EMCN: variants seen among roughly 807,000 people sequenced by gnomAD.
EMCN encodes endomucin.
Under a neutral mutation model 38.4 loss-of-function variants are expected in EMCN, and 37 were observed. The observed-to-expected ratio is 0.96, with a 90% CI of 0.74 to 1.27. The LOEUF is 1.27. EMCN is among the 50% of genes most tolerant of loss of function. The pLI, the probability that EMCN is intolerant of heterozygous loss-of-function variation, is 0.00. For missense variants in EMCN, 318 were observed against 302.8 expected (o/e 1.05, Z -0.37); for synonymous variants, 95 against 100.8 (o/e 0.94, Z 0.35).
In EMCN at chr4:100,465,591, T is replaced by C. The variant is rs770232346; in HGVS notation, c.260-52A>G. ...GAGTATAACAAATCACCAGATCATC[T>C]TATTAATATTCATATTAATATCCAA... On this transcript the variant is annotated intron_variant, in intron 3 of 11. Coordinates refer to ENST00000296420, the MANE Select transcript of EMCN (RefSeq NM_016242.4). 6 of 917,950 alleles carry C rather than the reference T, an allele frequency of 6.5e-6. No individual in the cohort carries two copies. The South Asian group carries it at 1.3e-4, about 19-fold the overall frequency. The allele number at this position is 917,950 out of a possible 1,614,324, so 56.9% of individuals were successfully genotyped here.
chr4:100,429,035 C>A (rs1727128550), intron 5 of EMCN, among the ~76,000 whole-genome samples: 1 of 152,062 alleles, frequency 6.6e-6, no homozygotes, highest in Non-Finnish European at 1.5e-5. Flanking sequence ...GGAGCTTAAG[C>A]AATTATACAG....
chr4:100,515,079 CCTT>C (rs1729719108), intron 1 of EMCN, among the ~76,000 whole-genome samples: 1 of 152,150 alleles, frequency 6.6e-6, no homozygotes, highest in African/African-American at 2.4e-5. Context: ...GCAATTAAAT[CCTT>C]CTTCATATAC....
chr4:100,477,762 A>C (rs912591052), intron 2 of EMCN, among the ~76,000 whole-genome samples: 2 of 151,998 alleles, frequency 1.3e-5, no homozygotes, highest in Non-Finnish European at 1.5e-5. Flanking sequence ...CATGAGAAAG[A>C]GGGAATAAGG....
intron 3 of EMCN, among the ~76,000 whole-genome samples, chr4:100,466,223 G>T (rs1728312686): frequency 6.6e-6 from 1 of 151,914 alleles, no homozygotes; most frequent in Non-Finnish European, 1.5e-5. Context: ...AGTTTTTTCA[G>T]TCTAATGTGG....
intron 5 of EMCN, among the ~76,000 whole-genome samples, chr4:100,441,257 A>T (rs1727508926): frequency 6.6e-6 from 1 of 152,210 alleles, no homozygotes; most frequent in Admixed American, 6.5e-5. Context: ...TTTATCATTA[A>T]ATAATGACAT....
chr4:100,412,644 G>A (rs754886477), intron 10 of EMCN, among the ~76,000 whole-genome samples: 19 of 152,150 alleles, frequency 1.2e-4, no homozygotes, highest in Non-Finnish European at 1.0e-4. Flanking sequence ...AAGCTGAGAA[G>A]TAGCTTATAT....
At chr4:100,470,257 C>T (rs929128257) in intron 3 of EMCN, among the ~76,000 whole-genome samples, 2 of 151,692 alleles carry the variant, frequency 1.3e-5, no homozygotes, top group Non-Finnish European at 2.9e-5. Flanking sequence ...AAAAAGAAGA[C>T]ATACATGTAG....
intron 11 of EMCN, among the ~76,000 whole-genome samples, chr4:100,405,767 C>T (rs1361578201): frequency 6.6e-6 from 1 of 151,800 alleles, no homozygotes; most frequent in African/African-American, 2.4e-5. Flanking sequence ...AGTTTCTTCT[C>T]GTTTTTTTGG....
chr4:100,441,319 A>C (rs1727510368), intron 5 of EMCN, among the ~76,000 whole-genome samples: 1 of 152,082 alleles, frequency 6.6e-6, no homozygotes, highest in South Asian at 2.1e-4. Flanking sequence ...ATCAGGTGTA[A>C]GTATAGCTAC....
At chr4:100,460,741 G>A (rs1038538534) in intron 4 of EMCN, among the ~76,000 whole-genome samples, 1 of 152,112 alleles carries the variant, frequency 6.6e-6, no homozygotes, top group African/African-American at 2.4e-5. Context: ...ATTATCAATA[G>A]GTTATCTCTT....
chr4:100,445,261 A>G (rs148385260), intron 5 of EMCN, among the ~76,000 whole-genome samples: 1 of 152,222 alleles, frequency 6.6e-6, no homozygotes, highest in African/African-American at 2.4e-5. Flanking sequence ...ACATGGATCT[A>G]TTTTTGTTTT....
intron 5 of EMCN, among the ~76,000 whole-genome samples, chr4:100,443,753 G>A (rs556420900): frequency 5.2e-4 from 79 of 152,290 alleles, no homozygotes; most frequent in African/African-American, 1.9e-3. Context: ...GGCAGGGTCT[G>A]TTCCTCTGAG....
At chr4:100,498,198 A>G (rs1476067014) in intron 1 of EMCN, among the ~76,000 whole-genome samples, 1 of 152,228 alleles carries the variant, frequency 6.6e-6, no homozygotes, top group African/African-American at 2.4e-5. Context: ...AATGTCTGAA[A>G]TGAAATTTAA....
intron 1 of EMCN, among the ~76,000 whole-genome samples, chr4:100,514,914 C>G (rs1377749574): frequency 6.6e-6 from 1 of 152,076 alleles, no homozygotes; most frequent in African/African-American, 2.4e-5. Flanking sequence ...AATAACTTCC[C>G]TCATCTTCCT....
intron 5 of EMCN, among the ~76,000 whole-genome samples, chr4:100,431,253 C>T (rs1727191426): frequency 6.6e-6 from 1 of 152,116 alleles, no homozygotes; most frequent in South Asian, 2.1e-4. Context: ...ATGATGAGAT[C>T]TTTCAAGTTA....
chr4:100,455,509 GT>G lies in EMCN; in HGVS notation c.377-7939del, dbSNP rs11432936. Among the ~76,000 whole-genome samples the G allele has an allele frequency of 8.5e-3, 1,133 of 133,508 alleles. 15 individuals carry two copies. The highest frequency in any genetic ancestry group is 0.03 in the African/African-American group (1,040 of 34,572). The allele number at this position is 133,508 out of a possible 152,430, so 87.6% of individuals were successfully genotyped here. On this transcript the variant is annotated intron_variant, in intron 4 of 11. Transcript: ENST00000296420. ...TATTTACAGAATTCTAGGGTGAAAA[GT>G]TTTTTTTTTTTTTTCTTCCAGTACT...
intron 4 of EMCN, among the ~76,000 whole-genome samples, chr4:100,463,449 T>A (rs1728235975): frequency 6.6e-6 from 1 of 152,188 alleles, no homozygotes; most frequent in South Asian, 2.1e-4. Flanking sequence ...TTTGATTGGC[T>A]AAGCTCATCA....
intron 1 of EMCN, among the ~76,000 whole-genome samples, chr4:100,506,262 G>C (rs1729476752): frequency 6.6e-6 from 1 of 152,046 alleles, no homozygotes. Flanking sequence ...GATTGAGCTG[G>C]CAAGCCTAGT....
Position 100,397,955 on chromosome 4 carries a change from G to T in EMCN, c.*458C>A, listed in dbSNP as rs1726158213. ...AATAATACACGTGCAACTTTTCCCT[G>T]CATTAACATAGTGGTAAACAATAAA... On this transcript the variant is annotated 3_prime_UTR_variant, in exon 12 of 12. Transcript: ENST00000296420. 3 of 151,836 alleles carry T rather than the reference G, an allele frequency of 2.0e-5. No individual in the cohort carries two copies. The allele number at this position is 151,836 out of a possible 1,614,324, so 9.4% of individuals were successfully genotyped here.
Sources: gnomAD v4.1 joint callset for allele counts (sites outside exome capture counted in the v4.1 genomes callset) on GRCh38, gnomAD v4.1.1 for gene constraint, MANE v1.5 for transcripts, NCBI Gene and HGNC (gene_info 2026-07-23, HGNC 2026-07-21) for gene names.